Variants in EVL observed in about 807,000 individuals in gnomAD.
EVL encodes the protein ena/VASP-like protein.
A neutral mutation model predicts 59.6 loss-of-function variants in EVL; 21 were observed. The observed-to-expected ratio is 0.35, with a 90% CI of 0.25 to 0.51. EVL has a LOEUF of 0.51. EVL is among the 20% of genes least tolerant of loss of function. EVL has a pLI of 0.97. For missense variants in EVL, 462 were observed against 546.6 expected (o/e 0.85, Z 1.54); for synonymous variants, 198 against 203.5 (o/e 0.97, Z 0.23).
Position 100,055,654 on chromosome 14 carries a change from G to T in EVL, c.6-29033G>T, listed in dbSNP as rs556378467. Among the ~76,000 whole-genome samples, 12 of 152,236 alleles carry T rather than the reference G, an allele frequency of 7.9e-5. No individual in the cohort carries two copies. The South Asian group carries it at 2.5e-3, about 32-fold the overall frequency. On this transcript the variant is annotated intron_variant, in intron 1 of 13. Coordinates refer to the EVL transcript ENST00000402714. ...GTTTTACCCTAGCTGAGGTGTAGAAGTCTGGTCTGATTTTTGTTCCTTTGT... is the reference window on the plus strand; with the variant it reads ...GTTTTACCCTAGCTGAGGTGTAGAATTCTGGTCTGATTTTTGTTCCTTTGT...
intron 2 of EVL, among the ~76,000 whole-genome samples, chr14:100,085,788 G>T (rs1261336607): frequency 6.6e-6 from 1 of 152,122 alleles, no homozygotes; most frequent in East Asian, 1.9e-4. Context: ...GTTTCATGAT[G>T]CTCATGGCTA....
intron 1 of EVL, among the ~76,000 whole-genome samples, chr14:99,997,181 A>G (rs529903605): frequency 3.6e-4 from 55 of 152,334 alleles, no homozygotes; most frequent in African/African-American, 1.3e-3. Flanking sequence ...ATCACTTGCA[A>G]AAATAATTGT....
At position 100,101,983 on chromosome 14, in the gene EVL, G is replaced by A. The variant is rs138776000; in HGVS notation, c.358+4325G>A. On this transcript the variant is annotated intron_variant, in intron 3 of 13. Transcript: ENST00000392920. ...CTCATGAGAAGCTGTGATTACAGGC[G>A]CCCACCACTATGCCTGGCTAATTTT... 4.1e-4 allele frequency among the ~76,000 whole-genome samples: 62 copies of A among 152,114 alleles called. 1 individual carries two copies. Among genetic ancestry groups the A allele is most frequent in the African/African-American group, 1.4e-3 (57 of 41,502 alleles).
intron 3 of EVL, chr14:100,106,923 C>T: frequency 2.5e-6 from 1 of 398,684 alleles, no homozygotes; most frequent in Non-Finnish European, 4.4e-6. Flanking sequence ...TGAGAACATG[C>T]TCCTCTTCTC....
chr14:100,125,903 A>G (rs541227615), intron 4 of EVL, among the ~76,000 whole-genome samples: 1 of 152,286 alleles, frequency 6.6e-6, no homozygotes, highest in East Asian at 1.9e-4. Flanking sequence ...ACCCCATGAA[A>G]TAGATGTTTC....
chr14:100,090,226 A>AG (rs1358035432), intron 2 of EVL, among the ~76,000 whole-genome samples: 1 of 152,242 alleles, frequency 6.6e-6, no homozygotes, highest in African/African-American at 2.4e-5. Flanking sequence ...AGTGAGAAAG[A>AG]GAAAACACAA....
intron 8 of EVL, chr14:100,134,821 A>T (rs1888666371): frequency 6.6e-6 from 1 of 152,050 alleles, no homozygotes. Context: ...CCACCTGAAA[A>T]CCTGCACCCA....
At chr14:100,049,646 T>C (rs951706659) in intron 1 of EVL, among the ~76,000 whole-genome samples, 8 of 152,210 alleles carry the variant, frequency 5.3e-5, no homozygotes, top group African/African-American at 1.9e-4. Context: ...TATTGAGATA[T>C]AATATACATA....
At chr14:100,093,182 T>G (rs11844195) in intron 2 of EVL, among the ~76,000 whole-genome samples, 11,576 of 152,294 alleles carry the variant, frequency 0.076, 717 homozygotes, top group East Asian at 0.18. Flanking sequence ...CAAAACACAT[T>G]GCACTGGACT....
At chr14:100,077,685 T>TA (rs2140290670) in intron 1 of EVL, among the ~76,000 whole-genome samples, 1 of 152,312 alleles carries the variant, frequency 6.6e-6, no homozygotes, top group Admixed American at 6.5e-5. Flanking sequence ...GCCTGAGACT[T>TA]ACCACATCAG....
chr14:100,062,468 AT>A (rs146755474), upstream of EVL, among the ~76,000 whole-genome samples: 1,754 of 152,260 alleles, frequency 0.012, 30 homozygotes, highest in African/African-American at 0.04. Flanking sequence ...CAATAGAGAA[AT>A]TCAAATGGAA....
In EVL at chr14:100,143,994, A is replaced by T; in HGVS notation, c.*256A>T. The T allele has an allele frequency of 1.9e-6, 1 of 531,228 alleles. No homozygotes were observed. The allele number at this position is 531,228 out of a possible 1,614,324, so 32.9% of individuals were successfully genotyped here. A position where few individuals can be genotyped will look rare whatever the true frequency, so the allele number is the denominator to read the frequency against. On this transcript the variant is annotated 3_prime_UTR_variant, in exon 14 of 14. Coordinates refer to ENST00000392920, the MANE Select transcript of EVL (RefSeq NM_016337.3). ...TGTTTTATATTTGCTTATTTAAGGTACATTTCTTTGGGTTTCTAGAGACGC... is the reference window on the plus strand; with the variant it reads ...TGTTTTATATTTGCTTATTTAAGGTTCATTTCTTTGGGTTTCTAGAGACGC...
At chr14:100,106,991 C>T (rs12101263) in intron 3 of EVL, 22,512 of 398,634 alleles carry the variant, frequency 0.056, 2,767 homozygotes, top group African/African-American at 0.3. Context: ...AGTGCATGTC[C>T]TGGAGCCGGG....
At chr14:100,141,874 CCA>C in intron 13 of EVL, 81 bp downstream of exon 13, 1 of 1,360,510 alleles carries the variant, frequency 7.4e-7, no homozygotes, top group Non-Finnish European at 1.0e-6. Flanking sequence ...CTGGGGGCCT[CCA>C]GTTTTGAGCT....
At chr14:99,976,180 TTTTATTTATTTA>T (rs141612796) in intron 1 of EVL, among the ~76,000 whole-genome samples, 31,645 of 145,726 alleles carry the variant, frequency 0.22, 3,950 homozygotes, top group East Asian at 0.45. Context: ...CATGGCCAGC[TTTTATTTATTTA>T]TTTATTTATT....
At chr14:99,980,991 C>T (rs2060802177) in intron 1 of EVL, among the ~76,000 whole-genome samples, 1 of 151,628 alleles carries the variant, frequency 6.6e-6, no homozygotes, top group African/African-American at 2.4e-5. Context: ...ATCCCAGCTA[C>T]TCGGGAGGCT....
chr14:100,126,797 G>A lies in EVL; in HGVS notation c.487+26G>A, dbSNP rs759390194. On this transcript the variant is annotated intron_variant, in intron 5 of 13. Coordinates refer to ENST00000392920, the MANE Select transcript of EVL (RefSeq NM_016337.3). ...GTGAGAGCCCTCCTCCCCTAGGGCC[G>A]ACTCCCATGCTGCTGCCAGGTGGCA... 1.1e-5 allele frequency: 18 copies of A among 1,609,400 alleles called. No homozygotes were observed. The Admixed American group carries it at 1.5e-4, about 13-fold the overall frequency.
chr14:99,987,257 C>T (rs147583235), intron 1 of EVL, among the ~76,000 whole-genome samples: 4,110 of 152,174 alleles, frequency 0.027, 82 homozygotes, highest in Non-Finnish European at 0.042. Context: ...TACTACCCCC[C>T]GCCAAGATTA....
chr14:100,058,255 T>C (rs755025134), intron 1 of EVL, among the ~76,000 whole-genome samples: 2 of 152,222 alleles, frequency 1.3e-5, no homozygotes, highest in Non-Finnish European at 2.9e-5. Flanking sequence ...AGCACATCTT[T>C]TAATTCAAGT....
Sources: gnomAD v4.1 joint callset for allele counts (sites outside exome capture counted in the v4.1 genomes callset) on GRCh38, gnomAD v4.1.1 for gene constraint, MANE v1.5 for transcripts, NCBI Gene and HGNC (gene_info 2026-07-23, HGNC 2026-07-21) for gene names.